The following CAMTA1 variants were observed in gnomAD, a reference collection of about 807,000 sequenced individuals.
The protein encoded by CAMTA1 is calmodulin-binding transcription activator 1.
A neutral mutation model predicts 170.9 loss-of-function variants in CAMTA1; 27 were observed. The ratio of observed to expected loss-of-function variants is 0.16; its 90% CI spans 0.12 to 0.22. CAMTA1 has a LOEUF of 0.22. CAMTA1 is among the 10% of genes least tolerant of loss of function. The pLI is 1.00. For synonymous variants in CAMTA1, 833 were observed against 891.5 expected (o/e 0.93, Z 1.17); for missense variants, 1,619 against 2,217.2 (o/e 0.73, Z 5.42).
chr1:6,925,532 C>T (rs900856133), intron 3 of CAMTA1, among the ~76,000 whole-genome samples: 5 of 152,186 alleles, frequency 3.3e-5, no homozygotes, highest in African/African-American at 1.2e-4. Context: ...AGTGCCTCCT[C>T]TCCTGCTCCC....
At chr1:7,564,282 G>A (rs892394565) in intron 6 of CAMTA1, among the ~76,000 whole-genome samples, 11 of 152,202 alleles carry the variant, frequency 7.2e-5, no homozygotes, top group East Asian at 1.9e-4. Flanking sequence ...AGGAGGAGAC[G>A]CCAACTCAGC....
chr1:7,069,220 A>G lies in CAMTA1; in HGVS notation c.235-22084A>G, dbSNP rs571159533. Among the ~76,000 whole-genome samples the G allele has an allele frequency of 1.1e-4, 17 of 152,270 alleles. No homozygotes were observed. In the South Asian group the frequency reaches 3.5e-3, roughly 32 times the overall value. On this transcript the variant is annotated intron_variant, in intron 3 of 22. Transcript: ENST00000303635. ...GGCCGTTGTCATTTAGTGAGTACCT[A>G]CTGCATGCCACATGCTATGCAGAAG... is the stretch of plus-strand genomic sequence containing the variant.
intron 4 of CAMTA1, among the ~76,000 whole-genome samples, chr1:7,107,292 G>GTGTT: frequency 6.6e-6 from 1 of 151,318 alleles, no homozygotes; most frequent in Middle Eastern, 3.4e-3. Context: ...GTGTGTGTGT[G>GTGTT]TGTGTGTGTG....
intron 11 of CAMTA1, among the ~76,000 whole-genome samples, chr1:7,712,323 A>G (rs190430552): frequency 2.9e-3 from 442 of 151,414 alleles, no homozygotes; most frequent in Non-Finnish European, 5.3e-3. Context: ...CATTATAATT[A>G]CTATTTTTTT....
chr1:7,065,060 A>G lies in CAMTA1; in HGVS notation c.235-26244A>G, dbSNP rs1316768089. ...AAACAGGTTTGAGGAGGCAAATAAA[A>G]AAATCTCTGTTGCACACGTTACATG... On this transcript the variant is annotated intron_variant, in intron 3 of 22. Transcript: ENST00000303635. The surrounding 1 kb of genome is among the most constrained non-coding windows in gnomAD (Gnocchi z 5.2). Among the ~76,000 whole-genome samples the G allele has an allele frequency of 6.6e-6, 1 of 152,196 alleles. No homozygotes were observed. The highest frequency in any genetic ancestry group is 2.4e-5 in the African/African-American group (1 of 41,448).
At chr1:7,340,566 CT>C (rs2083743645) in intron 5 of CAMTA1, among the ~76,000 whole-genome samples, 4 of 148,030 alleles carry the variant, frequency 2.7e-5, no homozygotes, top group Non-Finnish European at 4.5e-5. Flanking sequence ...CCCTCCCTCC[CT>C]TCCTTCCTTC....
intron 11 of CAMTA1, among the ~76,000 whole-genome samples, chr1:7,684,399 T>C (rs558254704): frequency 3.3e-5 from 5 of 152,174 alleles, no homozygotes; most frequent in Non-Finnish European, 7.3e-5. Flanking sequence ...GCCCACCAAC[T>C]GGCTGGCTTC....
At chr1:7,257,573 C>T (rs1667602862) in intron 5 of CAMTA1, among the ~76,000 whole-genome samples, 1 of 58,126 alleles carries the variant, frequency 1.7e-5, no homozygotes, top group Non-Finnish European at 3.3e-5. Flanking sequence ...ACTCTGGCAG[C>T]GAGGGTCTGT....
chr1:7,398,816 T>C (rs2089655995), intron 5 of CAMTA1, among the ~76,000 whole-genome samples: 1 of 152,146 alleles, frequency 6.6e-6, no homozygotes, highest in African/African-American at 2.4e-5. Context: ...CTATAGTTTT[T>C]TCCTTTGTAG....
chr1:7,355,085 A>G (rs2084992183), intron 5 of CAMTA1, among the ~76,000 whole-genome samples: 1 of 152,048 alleles, frequency 6.6e-6, no homozygotes, highest in Admixed American at 6.6e-5. Flanking sequence ...GGGTGCCTGT[A>G]ATCCCAGCCA....
Position 7,673,930 on chromosome 1 carries a change from C to G in CAMTA1, c.2779+2893C>G, listed in dbSNP as rs2096085424. Among the ~76,000 whole-genome samples, 1 of 152,150 alleles carries G rather than the reference C, an allele frequency of 6.6e-6. No individual in the cohort carries two copies. Among genetic ancestry groups the G allele is most frequent in the Non-Finnish European group, 1.5e-5 (1 of 68,048 alleles). ...CCCCTGATCGTAAGGGGCTCTCGGT[C>G]CAGGGAGGAGTGCAGTGCGCAAATG... On this transcript the variant is annotated intron_variant, in intron 10 of 22. Coordinates refer to ENST00000303635, the MANE Select transcript of CAMTA1 (RefSeq NM_015215.4). The surrounding 1 kb of genome is among the most constrained non-coding windows in gnomAD (Gnocchi z 4.6).
chr1:7,398,663 T>C (rs1207421325), intron 5 of CAMTA1, among the ~76,000 whole-genome samples: 2 of 152,146 alleles, frequency 1.3e-5, no homozygotes, highest in African/African-American at 4.8e-5. Flanking sequence ...GGTAAGGACT[T>C]ACTCCTGCCA....
intron 11 of CAMTA1, among the ~76,000 whole-genome samples, chr1:7,695,185 CG>C (rs1250074600): frequency 2.0e-5 from 3 of 152,114 alleles, no homozygotes; most frequent in Non-Finnish European, 4.4e-5. Flanking sequence ...ACAGCCCCCA[CG>C]AGGTGGGACC....
intron 5 of CAMTA1, chr1:7,441,472 A>T (rs547474465): frequency 4.3e-4 from 65 of 152,432 alleles, no homozygotes; most frequent in African/African-American, 1.5e-3. Context: ...GGAGGAGATG[A>T]GAGCTAAGAG....
At chr1:7,403,864 T>C (rs78512405) in intron 5 of CAMTA1, among the ~76,000 whole-genome samples, 3,087 of 152,240 alleles carry the variant, frequency 0.02, 103 homozygotes, top group African/African-American at 0.07. Flanking sequence ...CTAGTCATTT[T>C]ACAAGTGAGG....
chr1:6,914,100 C>CTTTT (rs1680262116), intron 3 of CAMTA1, among the ~76,000 whole-genome samples: 1 of 111,308 alleles, frequency 9.0e-6, no homozygotes, highest in Non-Finnish European at 2.0e-5. Context: ...CAGGGCTCAT[C>CTTTT]TCTTTTTTTT....
chr1:7,017,810 C>T (rs1265579330), intron 3 of CAMTA1, among the ~76,000 whole-genome samples: 4 of 152,190 alleles, frequency 2.6e-5, no homozygotes, highest in East Asian at 3.9e-4. Flanking sequence ...TTCTCATACA[C>T]GGTTCACGTT....
At chr1:7,363,294 A>G (rs1425261026) in intron 5 of CAMTA1, among the ~76,000 whole-genome samples, 1 of 152,220 alleles carries the variant, frequency 6.6e-6, no homozygotes, top group East Asian at 1.9e-4. Flanking sequence ...ATTATTTTGT[A>G]ACACATTGAA....
At chr1:7,442,634 G>T (rs1474585422) in intron 5 of CAMTA1, among the ~76,000 whole-genome samples, 6 of 152,116 alleles carry the variant, frequency 3.9e-5, no homozygotes. Context: ...TGCCTCCATG[G>T]TTTACTCAAC....
Sources: allele counts gnomAD v4.1 joint callset (sites outside exome capture counted in the v4.1 genomes callset), GRCh38; gene constraint gnomAD v4.1.1; non-coding constraint Gnocchi (gnomAD v3.1); transcripts MANE v1.5; gene names NCBI Gene and HGNC (gene_info 2026-07-23, HGNC 2026-07-21).